NDST3: variants seen among roughly 807,000 people sequenced by gnomAD.
The protein encoded by NDST3 is N-deacetylase and N-sulfotransferase 3.
Under a neutral mutation model 96.1 loss-of-function variants are expected in NDST3, and 58 were observed. The observed-to-expected ratio is 0.60, with a 90% CI of 0.49 to 0.75. The LOEUF (loss-of-function observed/expected upper bound fraction) is 0.75, where lower values mean the gene tolerates loss of function less well. Among genes scored for constraint, NDST3 ranks in the 30% least tolerant of loss-of-function variants. The pLI, the probability that NDST3 is intolerant of heterozygous loss-of-function variation, is 0.00. For synonymous variants in NDST3, 333 were observed against 359.7 expected (o/e 0.93, Z 0.84); for missense variants, 788 against 1,034.2 (o/e 0.76, Z 3.27).
intron 5 of NDST3, among the ~76,000 whole-genome samples, chr4:118,141,124 A>G (rs898111343): frequency 2.0e-5 from 3 of 152,120 alleles, no homozygotes; most frequent in African/African-American, 7.2e-5. Context: ...ACATTGGCCA[A>G]GATTCTTGTT....
At position 118,054,756 on chromosome 4, in the gene NDST3, G is replaced by A. The variant is rs940260070; in HGVS notation, c.846G>A (p.Lys282=). The change falls in exon 2 of 14, where the codon AAG becomes AAA. Residue 282 remains lysine, a synonymous_variant. Transcript: ENST00000296499. The part of the protein sequence containing the change: ...FGNNLNFWLH[K]LIFIDAISFL... ...ACAACTTGAACTTTTGGCTGCACAA[G>A]CTCATCTTCATAGATGCCATCTCCT... 5 of 1,613,246 alleles carry A rather than the reference G, an allele frequency of 3.1e-6. No homozygotes were observed. The South Asian group carries it at 3.3e-5, about 11-fold the overall frequency.
In NDST3 at chr4:118,196,546, T is replaced by C. The variant is rs182842233; in HGVS notation, c.1540-27945T>C. ...GTTACTTGTTATTGGTCTGTTCAAGTTTTGGATTTCTTCATGGTTCAATCT... is the reference window on the plus strand; with the variant it reads ...GTTACTTGTTATTGGTCTGTTCAAGCTTTGGATTTCTTCATGGTTCAATCT... On this transcript the variant is annotated intron_variant, in intron 6 of 13. Coordinates refer to ENST00000296499, the MANE Select transcript of NDST3 (RefSeq NM_004784.3). Among the ~76,000 whole-genome samples the C allele has an allele frequency of 5.3e-5, 8 of 152,282 alleles. No individual in the cohort carries two copies. In the East Asian group the frequency reaches 1.5e-3, roughly 29 times the overall value.
intron 1 of NDST3, among the ~76,000 whole-genome samples, chr4:118,040,164 G>A (rs1487090328): frequency 6.6e-6 from 1 of 152,216 alleles, no homozygotes; most frequent in African/African-American, 2.4e-5. Context: ...AAGTTTGCTT[G>A]TGACATGATT....
chr4:118,160,634 T>G (rs1735037460), intron 6 of NDST3, among the ~76,000 whole-genome samples: 1 of 152,226 alleles, frequency 6.6e-6, no homozygotes, highest in Admixed American at 6.5e-5. Context: ...CTTCCATCAC[T>G]AATATCCTTT....
At chr4:118,124,666 T>C (rs1184726597) in intron 4 of NDST3, among the ~76,000 whole-genome samples, 1 of 152,106 alleles carries the variant, frequency 6.6e-6, no homozygotes, top group Non-Finnish European at 1.5e-5. Flanking sequence ...GTCATGGGTT[T>C]GGCTATTTTG....
chr4:118,062,468 C>T (rs527393683), intron 2 of NDST3, among the ~76,000 whole-genome samples: 2 of 152,072 alleles, frequency 1.3e-5, no homozygotes, highest in African/African-American at 4.8e-5. Flanking sequence ...CTCCCTCACT[C>T]TCTCTCTTTG....
Position 118,133,713 on chromosome 4 carries a change from G to T in NDST3, c.1225-4341G>T, listed in dbSNP as rs143921361. On this transcript the variant is annotated intron_variant, in intron 4 of 13. Coordinates refer to ENST00000296499, the MANE Select transcript of NDST3 (RefSeq NM_004784.3). ...ATTGCTTTCAAGTATTATTTACATA[G>T]ATATTAAAATTTCCCTGATAGTTAC... Among the ~76,000 whole-genome samples the T allele has an allele frequency of 2.9e-3, 441 of 152,176 alleles. 2 individuals carry two copies. The highest frequency in any genetic ancestry group is 1.0e-2 in the African/African-American group (414 of 41,518).
At position 118,116,447 on chromosome 4, in the gene NDST3, A is replaced by G. The variant is rs1731120055; in HGVS notation, c.1224+1487A>G. Among the ~76,000 whole-genome samples, 10 of 151,858 alleles carry G rather than the reference A, an allele frequency of 6.6e-5. No homozygotes were observed. In the South Asian group the frequency reaches 1.9e-3, roughly 28 times the overall value. ...AGCTTTGATAAAAGACATGTCATTC[A>G]CTGTTACATCTGCTGAAAACTAGAA... is the stretch of plus-strand genomic sequence containing the variant. On this transcript the variant is annotated intron_variant, in intron 4 of 13. Transcript: ENST00000296499.
Position 118,250,548 on chromosome 4 carries a change from A to G in NDST3, c.2400-2951A>G, listed in dbSNP as rs1343005568. On this transcript the variant is annotated intron_variant, in intron 12 of 13. Coordinates refer to ENST00000296499, the MANE Select transcript of NDST3 (RefSeq NM_004784.3). Reference sequence around the variant, plus strand: ...TGCCCAGGCTGGAGTGCAATGGCACAAACTCGGCTCACCGCAACCTCTGCC... The same window carrying G: ...TGCCCAGGCTGGAGTGCAATGGCACGAACTCGGCTCACCGCAACCTCTGCC... 4.0e-5 allele frequency among the ~76,000 whole-genome samples: 6 copies of G among 151,716 alleles called. No individual in the cohort carries two copies. The East Asian group carries it at 1.2e-3, about 29-fold the overall frequency.
chr4:118,193,540 C>T (rs1217924213), intron 6 of NDST3: 42 of 992,538 alleles, frequency 4.2e-5, no homozygotes, highest in South Asian at 9.0e-5. Context: ...GCCTCTCAAA[C>T]GTGTTGGCGT....
At chr4:118,244,437 TTTC>T (rs1578866565) in intron 12 of NDST3, among the ~76,000 whole-genome samples, 1 of 152,330 alleles carries the variant, frequency 6.6e-6, no homozygotes, top group East Asian at 1.9e-4. Flanking sequence ...CTTCTTATTT[TTTC>T]TTCTTATTTT....
intron 9 of NDST3, among the ~76,000 whole-genome samples, chr4:118,233,528 ATTTTC>A (rs938297236): frequency 9.2e-5 from 14 of 152,070 alleles, no homozygotes; most frequent in African/African-American, 3.1e-4. Context: ...GTAATTTTCT[ATTTTC>A]TTTGTCACAT....
intron 2 of NDST3, among the ~76,000 whole-genome samples, chr4:118,069,496 C>T (rs1336289421): frequency 6.6e-6 from 1 of 151,604 alleles, no homozygotes; most frequent in Non-Finnish European, 1.5e-5. Context: ...TCTAAATGTC[C>T]AAAATGAAAA....
intron 2 of NDST3, among the ~76,000 whole-genome samples, chr4:118,090,555 TG>T (rs1728782645): frequency 6.6e-6 from 1 of 151,918 alleles, no homozygotes; most frequent in Non-Finnish European, 1.5e-5. Context: ...TGGTACAAGT[TG>T]GGATAACAAT....
At chr4:118,123,133 C>T (rs1731744658) in intron 4 of NDST3, among the ~76,000 whole-genome samples, 1 of 152,130 alleles carries the variant, frequency 6.6e-6, no homozygotes, top group African/African-American at 2.4e-5. Flanking sequence ...AAAGAGCTGT[C>T]TATAGGATTT....
At chr4:118,192,036 A>G (rs1415891989) in intron 6 of NDST3, among the ~76,000 whole-genome samples, 2 of 152,198 alleles carry the variant, frequency 1.3e-5, no homozygotes, top group Non-Finnish European at 2.9e-5. Flanking sequence ...CTGATGATCA[A>G]TGATGTTGAG....
chr4:118,232,893 G>T, intron 8 of NDST3, 119 bp from the exon 9 acceptor site: 1 of 995,516 alleles, frequency 1.0e-6, no homozygotes, highest in South Asian at 1.8e-5. Context: ...TTTATTTCCA[G>T]CAGTAGTTGT....
At chr4:118,066,113 T>G (rs867721176) in intron 2 of NDST3, among the ~76,000 whole-genome samples, 3 of 73,630 alleles carry the variant, frequency 4.1e-5, no homozygotes, top group African/African-American at 9.9e-5. Flanking sequence ...ATAATATATT[T>G]TATATATTAT....
chr4:118,169,492 A>T (rs1735780567), intron 6 of NDST3, among the ~76,000 whole-genome samples: 1 of 152,034 alleles, frequency 6.6e-6, no homozygotes, highest in Admixed American at 6.6e-5. Flanking sequence ...GTAGGTCAGA[A>T]ATCAGAAAAA....
Sources: allele counts gnomAD v4.1 joint callset (sites outside exome capture counted in the v4.1 genomes callset), GRCh38; gene constraint gnomAD v4.1.1; transcripts MANE v1.5; gene names NCBI Gene and HGNC (gene_info 2026-07-23, HGNC 2026-07-21).